The following VWC2 variants were observed in gnomAD, a reference collection of about 807,000 sequenced individuals.
The protein encoded by VWC2 is von Willebrand factor C domain containing 2.
Under a neutral mutation model 29.8 loss-of-function variants are expected in VWC2, and 14 were observed. The observed-to-expected ratio is 0.47, with a 90% CI of 0.31 to 0.74. The LOEUF (loss-of-function observed/expected upper bound fraction) is 0.74, where lower values mean the gene tolerates loss of function less well. Ranked by LOEUF, VWC2 falls within the 30% of genes least tolerant of loss-of-function variation. The pLI is 0.05. For synonymous variants in VWC2, 213 were observed against 199.0 expected, an observed-to-expected ratio of 1.07 and a Z score of -0.59; for missense variants, 457 against 459.8, an observed-to-expected ratio of 0.99 and a Z score of 0.05.
chr7:49,816,321 T>C (rs1359123346), intron 3 of VWC2, among the ~76,000 whole-genome samples: 1 of 152,158 alleles, frequency 6.6e-6, no homozygotes, highest in Non-Finnish European at 1.5e-5. Context: ...GTTAAGGGTG[T>C]CTGAAAAGAG....
chr7:49,803,172 C>T (rs1788785134), intron 3 of VWC2, among the ~76,000 whole-genome samples: 1 of 152,200 alleles, frequency 6.6e-6, no homozygotes, highest in South Asian at 2.1e-4. Flanking sequence ...ATTAAACACA[C>T]TGGTTGGGCT....
At position 49,915,052 on chromosome 7, in the gene VWC2, A is replaced by G. The variant is rs570386179; in HGVS notation, c.*2867A>G. On this transcript the variant is annotated 3_prime_UTR_variant, in exon 4 of 4. Coordinates refer to ENST00000340652, the MANE Select transcript of VWC2 (RefSeq NM_198570.5). ...AAGTATAAAGCTACTTATGTAAGCA[A>G]TAGAATGGTTCTGGAAATTATCTGA... 6.6e-6 allele frequency: 1 copy of G among 152,356 alleles called. No individual in the cohort carries two copies. Among genetic ancestry groups the G allele is most frequent in the Non-Finnish European group, 1.5e-5 (1 of 68,036 alleles). The allele number at this position is 152,356 out of a possible 1,614,324, so 9.4% of individuals were successfully genotyped here. A position where few individuals can be genotyped will look rare whatever the true frequency, so the allele number is the denominator to read the frequency against.
intron 2 of VWC2, among the ~76,000 whole-genome samples, chr7:49,790,551 T>C (rs1460651765): frequency 2.6e-5 from 4 of 152,164 alleles, no homozygotes; most frequent in Non-Finnish European, 5.9e-5. Flanking sequence ...GGCTGGAAGG[T>C]AGCTTGTGGA....
rs1305564341 is a variant in VWC2, at chr7:49,910,561, TGA to T, written c.827-1470_827-1469del. On this transcript the variant is annotated intron_variant, in intron 3 of 3. Coordinates refer to ENST00000340652, the MANE Select transcript of VWC2 (RefSeq NM_198570.5). ...GGTAGAGCAGTTGCTCATAGCTGAA[TGA>T]GATCTACAGGTATGAACCATAACAC... is the stretch of plus-strand genomic sequence containing the variant. 4.0e-5 allele frequency among the ~76,000 whole-genome samples: 6 copies of T among 151,806 alleles called. No individual in the cohort carries two copies. The East Asian group carries it at 1.2e-3, about 29-fold the overall frequency.
chr7:49,825,224 C>T (rs1789366660), intron 3 of VWC2, among the ~76,000 whole-genome samples: 1 of 152,156 alleles, frequency 6.6e-6, no homozygotes, highest in South Asian at 2.1e-4. Context: ...TTCATTTCTT[C>T]ATGTTGATTA....
At chr7:49,869,404 A>G (rs1791040181) in intron 3 of VWC2, among the ~76,000 whole-genome samples, 1 of 152,212 alleles carries the variant, frequency 6.6e-6, no homozygotes, top group Non-Finnish European at 1.5e-5. Flanking sequence ...GGACTATTTC[A>G]AACAAAGCAA....
intron 2 of VWC2, among the ~76,000 whole-genome samples, 191 bp from the exon 3 acceptor site, chr7:49,802,520 C>T (rs1788764192): frequency 6.6e-6 from 1 of 152,162 alleles, no homozygotes; most frequent in Admixed American, 6.5e-5. Context: ...TGCCTGTAAT[C>T]CCAGCTACTC....
intron 2 of VWC2, among the ~76,000 whole-genome samples, chr7:49,794,220 G>T (rs557417169): frequency 6.6e-6 from 1 of 152,214 alleles, no homozygotes; most frequent in South Asian, 2.1e-4. Context: ...CCTTCTCTTG[G>T]CCAAGACCTG....
chr7:49,812,954 A>T (rs894477742), intron 3 of VWC2, among the ~76,000 whole-genome samples: 3 of 152,220 alleles, frequency 2.0e-5, no homozygotes, highest in African/African-American at 7.2e-5. Context: ...AGAGATAAGA[A>T]GTTGTACAGA....
chr7:49,779,478 T>C (rs1788128098), intron 2 of VWC2, among the ~76,000 whole-genome samples: 2 of 152,220 alleles, frequency 1.3e-5, no homozygotes, highest in Admixed American at 6.5e-5. Flanking sequence ...ACATAGTTAA[T>C]AGTAGAATTT....
chr7:49,799,393 G>A (rs541190047), intron 2 of VWC2, among the ~76,000 whole-genome samples: 6 of 152,370 alleles, frequency 3.9e-5, no homozygotes, highest in African/African-American at 7.2e-5. Flanking sequence ...CTTCAGGGCC[G>A]GTGACCAGCT....
At chr7:49,906,296 A>G (rs796649099) in intron 3 of VWC2, among the ~76,000 whole-genome samples, 7 of 152,298 alleles carry the variant, frequency 4.6e-5, no homozygotes, top group African/African-American at 1.7e-4. Flanking sequence ...TCAAAAAAGA[A>G]CAAAGAGCTA....
chr7:49,905,048 C>G (rs1793012976), intron 3 of VWC2, among the ~76,000 whole-genome samples: 1 of 152,054 alleles, frequency 6.6e-6, no homozygotes, highest in African/African-American at 2.4e-5. Flanking sequence ...TGTATTAATT[C>G]TAATTGTTAT....
downstream of VWC2, among the ~76,000 whole-genome samples, chr7:49,922,180 T>A (rs1016262701): frequency 6.6e-6 from 1 of 152,190 alleles, no homozygotes; most frequent in Non-Finnish European, 1.5e-5. Context: ...TGAAGTAGCA[T>A]CTATAATATA....
intron 2 of VWC2, among the ~76,000 whole-genome samples, chr7:49,795,462 C>T (rs1167071494): frequency 6.6e-6 from 1 of 152,158 alleles, no homozygotes; most frequent in Non-Finnish European, 1.5e-5. Flanking sequence ...TCACTTTCCA[C>T]ACAGCCTTCA....
Position 49,913,804 on chromosome 7 carries a change from T to A in VWC2, c.*1619T>A, listed in dbSNP as rs939143634. 6.6e-6 allele frequency: 1 copy of A among 152,132 alleles called. No individual in the cohort carries two copies. Among genetic ancestry groups the A allele is most frequent in the Non-Finnish European group, 1.5e-5 (1 of 68,010 alleles). 9.4% of individuals were successfully genotyped at this position (152,132 alleles called of 1,614,324 possible). A position where few individuals can be genotyped will look rare whatever the true frequency, so the allele number is the denominator to read the frequency against. On this transcript the variant is annotated 3_prime_UTR_variant, in exon 4 of 4. Coordinates refer to ENST00000340652, the MANE Select transcript of VWC2 (RefSeq NM_198570.5). ...AATAATTCAATCATTAAAGACTGAA[T>A]AACATTCAAGAAAAATGGATACATC...
rs567223732 is a variant in VWC2, at chr7:49,806,342, T to C, written c.826+3502T>C. 2.0e-5 allele frequency among the ~76,000 whole-genome samples: 3 copies of C among 152,306 alleles called. No individual in the cohort carries two copies. The South Asian group carries it at 6.2e-4, about 32-fold the overall frequency. On this transcript the variant is annotated intron_variant, in intron 3 of 3. Transcript: ENST00000340652. ...TAAAAGTAGGACATTGGTGTTGAAATATGAGGACTTTGTCAGAATTAGCTG... is the reference window on the plus strand; with the variant it reads ...TAAAAGTAGGACATTGGTGTTGAAACATGAGGACTTTGTCAGAATTAGCTG...
chr7:49,805,345 A>T (rs1272687851), intron 3 of VWC2, among the ~76,000 whole-genome samples: 4 of 152,190 alleles, frequency 2.6e-5, no homozygotes, highest in Admixed American at 1.3e-4. Context: ...TTAAAGCTAG[A>T]TTTATATTAC....
At chr7:49,892,559 C>G (rs1017871317) in intron 3 of VWC2, among the ~76,000 whole-genome samples, 1 of 152,144 alleles carries the variant, frequency 6.6e-6, no homozygotes, top group African/African-American at 2.4e-5. Context: ...GAGGGGGCTT[C>G]CCAGGCCCTG....
Sources: allele counts gnomAD v4.1 joint callset (sites outside exome capture counted in the v4.1 genomes callset), GRCh38; gene constraint gnomAD v4.1.1; transcripts MANE v1.5; gene names NCBI Gene and HGNC (gene_info 2026-07-23, HGNC 2026-07-21).